FSTL4: variants seen among roughly 807,000 people sequenced by gnomAD.
The protein encoded by FSTL4 is follistatin like 4.
A neutral mutation model predicts 78.2 loss-of-function variants in FSTL4; 28 were observed. The ratio of observed to expected loss-of-function variants is 0.36; its 90% confidence interval spans 0.27 to 0.49. FSTL4 has a LOEUF of 0.49. Among genes scored for constraint, FSTL4 ranks in the 20% least tolerant of loss-of-function variants. FSTL4 has a pLI of 0.98. For missense variants in FSTL4, 922 were observed against 1,084.9 expected (o/e 0.85, Z 2.11); for synonymous variants, 422 against 440.5 (o/e 0.96, Z 0.53).
the FSTL4 span, among the ~76,000 whole-genome samples, chr5:133,716,214 GTATTCCAGA>G: frequency 6.6e-6 from 1 of 152,152 alleles, no homozygotes; most frequent in East Asian, 1.9e-4. Context: ...AAAATGGAAG[GTATTCCAGA>G]TGGAAGAAAC....
At chr5:133,603,041 CT>C (rs1237541220) in intron 2 of FSTL4, among the ~76,000 whole-genome samples, 9 of 152,156 alleles carry the variant, frequency 5.9e-5, no homozygotes, top group Admixed American at 6.5e-5. Flanking sequence ...GAAAAGTGCC[CT>C]GGAAAGCTGC....
chr5:133,294,714 G>A (rs1753348068), intron 6 of FSTL4, among the ~76,000 whole-genome samples: 1 of 152,056 alleles, frequency 6.6e-6, no homozygotes, highest in African/African-American at 2.4e-5. Flanking sequence ...CCTACTCTCT[G>A]ATCACCTCCC....
chr5:133,448,206 C>G (rs1369324499), intron 3 of FSTL4, among the ~76,000 whole-genome samples: 2 of 152,254 alleles, frequency 1.3e-5, no homozygotes, highest in African/African-American at 2.4e-5. Context: ...CTTCCCTCCC[C>G]AGGGCTGCCC....
the FSTL4 span, among the ~76,000 whole-genome samples, chr5:133,650,935 T>G: frequency 6.6e-6 from 1 of 152,234 alleles, no homozygotes; most frequent in African/African-American, 2.4e-5. Flanking sequence ...AATTTTGTAG[T>G]TTTCCTCATA....
intron 3 of FSTL4, among the ~76,000 whole-genome samples, chr5:133,514,457 A>G (rs1758813183): frequency 6.6e-6 from 1 of 152,234 alleles, no homozygotes; most frequent in African/African-American, 2.4e-5. Context: ...TCAGTCAATG[A>G]CATGTTGGAC....
intron 3 of FSTL4, among the ~76,000 whole-genome samples, chr5:133,431,903 A>G: frequency 6.6e-6 from 1 of 152,212 alleles, no homozygotes; most frequent in East Asian, 1.9e-4. Flanking sequence ...TAGTGATACT[A>G]GCATTTATTA....
At chr5:133,495,149 C>T (rs887146801) in intron 3 of FSTL4, among the ~76,000 whole-genome samples, 1 of 152,212 alleles carries the variant, frequency 6.6e-6, no homozygotes, top group African/African-American at 2.4e-5. Context: ...CCCACTTACA[C>T]ACCGGTTGGG....
the FSTL4 span, among the ~76,000 whole-genome samples, chr5:133,770,173 G>T: frequency 1.3e-5 from 2 of 151,994 alleles, no homozygotes; most frequent in Non-Finnish European, 2.9e-5. Flanking sequence ...CTTTCCTATT[G>T]TGAATAGTGT....
At chr5:133,785,261 A>C in the FSTL4 span, among the ~76,000 whole-genome samples, 1 of 152,222 alleles carries the variant, frequency 6.6e-6, no homozygotes, top group Non-Finnish European at 1.5e-5. Flanking sequence ...TCCAAAGGAC[A>C]GGTGGGCCTA....
In FSTL4 at chr5:133,527,499, A is replaced by ACACACC. The variant is rs1554068701; in HGVS notation, c.160+39686_160+39687insGGTGTG. On this transcript the variant is annotated intron_variant, in intron 3 of 15. Coordinates refer to ENST00000265342, the MANE Select transcript of FSTL4 (RefSeq NM_015082.2). ...CACACACACACACACACACACACAC[A>ACACACC]CACCCATAAGTGCATTCACTGCATA... is the stretch of plus-strand genomic sequence containing the variant. Among the ~76,000 whole-genome samples, 25 of 83,102 alleles carry ACACACC rather than the reference A, an allele frequency of 3.0e-4. 2 individuals are homozygous for ACACACC. Among genetic ancestry groups the ACACACC allele is most frequent in the African/African-American group, 7.3e-4 (23 of 31,540 alleles). 54.5% of individuals were successfully genotyped at this position (83,102 alleles called of 152,430 possible). A position where few individuals can be genotyped will look rare whatever the true frequency, so the allele number is the denominator to read the frequency against.
chr5:133,729,593 C>G, the FSTL4 span, among the ~76,000 whole-genome samples: 1 of 152,134 alleles, frequency 6.6e-6, no homozygotes, highest in Non-Finnish European at 1.5e-5. Context: ...CAAACCATTT[C>G]TAGTTACTGC....
chr5:133,329,390 G>A (rs2126906300), intron 4 of FSTL4, among the ~76,000 whole-genome samples: 1 of 151,528 alleles, frequency 6.6e-6, no homozygotes, highest in Non-Finnish European at 1.5e-5. Context: ...GAACTCAAAA[G>A]AGAGAGAGAG....
intron 6 of FSTL4, among the ~76,000 whole-genome samples, chr5:133,256,852 G>A (rs1397677984): frequency 6.6e-6 from 1 of 152,124 alleles, no homozygotes; most frequent in Non-Finnish European, 1.5e-5. Flanking sequence ...TTCATTTTGG[G>A]GATGGCAATA....
chr5:133,571,685 A>G (rs1398951827), intron 2 of FSTL4, among the ~76,000 whole-genome samples: 1 of 152,222 alleles, frequency 6.6e-6, no homozygotes, highest in Non-Finnish European at 1.5e-5. Context: ...CCAAAAACCT[A>G]TTGAAACAAA....
chr5:133,838,515 C>G, the FSTL4 span, among the ~76,000 whole-genome samples: 5 of 152,192 alleles, frequency 3.3e-5, no homozygotes, highest in Non-Finnish European at 7.3e-5. Context: ...CAGATGCTGG[C>G]TTTGGCTGGG....
the FSTL4 span, among the ~76,000 whole-genome samples, chr5:133,683,322 A>G: frequency 6.6e-6 from 1 of 152,270 alleles, no homozygotes; most frequent in Admixed American, 6.5e-5. Flanking sequence ...AATAAAATTT[A>G]TCTTCAATGT....
At chr5:133,425,227 T>A (rs1470018) in intron 3 of FSTL4, among the ~76,000 whole-genome samples, 355 of 151,088 alleles carry the variant, frequency 2.3e-3, no homozygotes, top group African/African-American at 8.4e-3. Flanking sequence ...CAAAGTGACC[T>A]AAAAAAAAAG....
At chr5:133,632,021 T>G in the FSTL4 span, among the ~76,000 whole-genome samples, 2 of 152,044 alleles carry the variant, frequency 1.3e-5, no homozygotes, top group Non-Finnish European at 2.9e-5. Context: ...AGGGGAGGGA[T>G]ACCATTAGGA....
the FSTL4 span, among the ~76,000 whole-genome samples, chr5:133,683,749 C>T: frequency 6.6e-6 from 1 of 152,130 alleles, no homozygotes; most frequent in South Asian, 2.1e-4. Flanking sequence ...GTCAGGAATG[C>T]TGTGTTCGGT....
Sources: gnomAD v4.1 joint callset for allele counts (sites outside exome capture counted in the v4.1 genomes callset) on GRCh38, gnomAD v4.1.1 for gene constraint, MANE v1.5 for transcripts, NCBI Gene and HGNC (gene_info 2026-07-23, HGNC 2026-07-21) for gene names.